Variants in ACYP2 observed in about 807,000 individuals in gnomAD.
ACYP2 encodes the protein acylphosphatase-2.
In ACYP2, 12 loss-of-function variants were observed where a neutral mutation model predicts 11.2. The ratio of observed to expected loss-of-function variants is 1.08; its 90% CI spans 0.69 to 1.74. ACYP2 has a LOEUF of 1.74. Ranked by LOEUF, ACYP2 falls within the 40% of genes most tolerant of loss-of-function variation. The pLI, the probability that ACYP2 is intolerant of heterozygous loss-of-function variation, is 0.00. For missense variants in ACYP2, 134 were observed against 101.9 expected (o/e 1.31, Z -1.35); for synonymous variants, 43 against 32.2 (o/e 1.33, Z -1.13).
intron 6 of ACYP2, among the ~76,000 whole-genome samples, chr2:54,262,754 CTG>C (rs1472510043): frequency 6.6e-6 from 1 of 151,730 alleles, no homozygotes; most frequent in Non-Finnish European, 1.5e-5. Context: ...GGATGGCAAA[CTG>C]TAGTTTTTGT....
intron 6 of ACYP2, among the ~76,000 whole-genome samples, chr2:54,297,102 G>GA (rs34803791): frequency 0.5 from 74,838 of 151,010 alleles, 18,986 homozygotes; most frequent in Admixed American, 0.59. Context: ...TTGGGTGGGT[G>GA]AACACTTTTC....
intron 6 of ACYP2, among the ~76,000 whole-genome samples, chr2:54,159,940 T>G (rs1682633738): frequency 6.6e-6 from 1 of 152,184 alleles, no homozygotes; most frequent in South Asian, 2.1e-4. Flanking sequence ...TCCCCACTCT[T>G]TCATTCCCCA....
chr2:54,052,702 TACATCTGTGCCA>T (rs1675932726), intron 3 of ACYP2, among the ~76,000 whole-genome samples: 1 of 152,218 alleles, frequency 6.6e-6, no homozygotes, highest in Non-Finnish European at 1.5e-5. Context: ...GGACTTCACT[TACATCTGTGCCA>T]CCTTCAAGAA....
At position 54,142,017 on chromosome 2, in the gene ACYP2, T is replaced by TTTG. The variant is rs10611682; in HGVS notation, c.404+3300_404+3302dup. ...TGTGTGTGTGTGTGTGTGTGTATATTTTGTTGTTGTTGTTGTTGTTGTTGT... is the reference window on the plus strand; with the variant it reads ...TGTGTGTGTGTGTGTGTGTGTATATTTTGTTGTTGTTGTTGTTGTTGTTGTTGT... On this transcript the variant is annotated intron_variant, in intron 6 of 6. Transcript: ENST00000607452. 3.4e-3 allele frequency: 1,370 copies of TTTG among 399,942 alleles called. 6 individuals carry two copies. Among genetic ancestry groups the TTTG allele is most frequent in the Middle Eastern group, 7.8e-3 (16 of 2,064 alleles). The allele number at this position is 399,942 out of a possible 1,614,324, so 24.8% of individuals were successfully genotyped here. A position where few individuals can be genotyped will look rare whatever the true frequency, so the allele number is the denominator to read the frequency against.
intron 6 of ACYP2, among the ~76,000 whole-genome samples, chr2:54,270,890 G>A (rs12621747): frequency 0.17 from 26,147 of 152,072 alleles, 2,344 homozygotes; most frequent in African/African-American, 0.25. Context: ...TTGTTTTTCT[G>A]TATAATATAT....
intron 6 of ACYP2, among the ~76,000 whole-genome samples, chr2:54,204,001 ATTG>A (rs1684963590): frequency 6.6e-6 from 1 of 151,682 alleles, no homozygotes; most frequent in African/African-American, 2.4e-5. Flanking sequence ...TGTTGTTGTT[ATTG>A]TTGTTTTTAA....
intron 6 of ACYP2, among the ~76,000 whole-genome samples, chr2:54,246,948 A>G (rs1414698029): frequency 6.6e-6 from 1 of 152,212 alleles, no homozygotes; most frequent in African/African-American, 2.4e-5. Context: ...ATGATAGGAT[A>G]AAAGCTCTAA....
rs530017183 is a variant in ACYP2 at position 54,021,951 on chromosome 2, C to A, written c.63-29007C>A. Among the ~76,000 whole-genome samples, 219 of 152,208 alleles carry A rather than the reference C, an allele frequency of 1.4e-3. 1 individual carries two copies. Among genetic ancestry groups the A allele is most frequent in the African/African-American group, 5.2e-3 (216 of 41,504 alleles). On this transcript the variant is annotated intron_variant, in intron 2 of 6. Transcript: ENST00000607452. ...CGGGCAGCATAAATACTTTGGCCAA[C>A]CTTGAGCCAGTGAGCCAAGTAAAAA...
At chr2:53,994,995 C>G (rs944107018) in intron 2 of ACYP2, among the ~76,000 whole-genome samples, 1 of 152,118 alleles carries the variant, frequency 6.6e-6, no homozygotes, top group Admixed American at 6.6e-5. Context: ...TTTTCAACAC[C>G]GCTATGACAA....
intron 6 of ACYP2, among the ~76,000 whole-genome samples, chr2:54,189,895 C>A (rs1001635821): frequency 6.6e-6 from 1 of 152,090 alleles, no homozygotes; most frequent in Non-Finnish European, 1.5e-5. Context: ...TTATGGCCAG[C>A]CTAATGGGTG....
intron 6 of ACYP2, among the ~76,000 whole-genome samples, chr2:54,170,309 T>C (rs139214604): frequency 0.023 from 3,434 of 152,142 alleles, 72 homozygotes; most frequent in Non-Finnish European, 0.027. Flanking sequence ...TGTGTCACCA[T>C]GCCTGGCTCA....
chr2:54,240,143 G>T (rs913452292), intron 6 of ACYP2, among the ~76,000 whole-genome samples: 2 of 152,130 alleles, frequency 1.3e-5, no homozygotes, highest in Non-Finnish European at 2.9e-5. Flanking sequence ...TGGAATTAAC[G>T]TAATGAAGGT....
At chr2:54,173,241 A>G (rs1444697633) in intron 6 of ACYP2, among the ~76,000 whole-genome samples, 2 of 152,174 alleles carry the variant, frequency 1.3e-5, no homozygotes, top group African/African-American at 4.8e-5. Flanking sequence ...CGCCATTCTA[A>G]CTGGTGTGAG....
At chr2:54,191,499 G>C (rs144051125) in intron 6 of ACYP2, among the ~76,000 whole-genome samples, 295 of 152,282 alleles carry the variant, frequency 1.9e-3, no homozygotes, top group African/African-American at 6.8e-3. Context: ...TTTCAGCTCT[G>C]CTCTTCACTA....
intron 6 of ACYP2, chr2:54,166,854 A>G (rs1682997127): frequency 1.3e-5 from 2 of 152,298 alleles, no homozygotes; most frequent in Non-Finnish European, 2.9e-5. Flanking sequence ...TCACAAGGCT[A>G]ACAGATGCAG....
At chr2:54,091,489 T>TTTTA (rs58827967) in intron 4 of ACYP2, among the ~76,000 whole-genome samples, 27,581 of 143,550 alleles carry the variant, frequency 0.19, 2,874 homozygotes, top group East Asian at 0.31. Flanking sequence ...ACTCTCTTGA[T>TTTTA]TTTATTTATT....
intron 2 of ACYP2, among the ~76,000 whole-genome samples, chr2:54,032,068 T>G (rs970501555): frequency 1.3e-5 from 2 of 152,164 alleles, no homozygotes; most frequent in Admixed American, 6.5e-5. Context: ...TTCTCCCATT[T>G]TGTAGGTTGC....
chr2:54,212,488 T>C (rs1398665860), intron 6 of ACYP2, among the ~76,000 whole-genome samples: 1 of 152,224 alleles, frequency 6.6e-6, no homozygotes, highest in Non-Finnish European at 1.5e-5. Context: ...AAAACCCAGT[T>C]ATGATCATCT....
chr2:54,015,679 ACACACACAC>A (rs1558473111), intron 2 of ACYP2, among the ~76,000 whole-genome samples: 21 of 151,002 alleles, frequency 1.4e-4, no homozygotes, highest in African/African-American at 3.7e-4. Flanking sequence ...ACACACACAC[ACACACACAC>A]GGCAGAATCT....
Sources: gnomAD v4.1 joint callset for allele counts (sites outside exome capture counted in the v4.1 genomes callset) on GRCh38, gnomAD v4.1.1 for gene constraint, MANE v1.5 for transcripts, NCBI Gene and HGNC (gene_info 2026-07-23, HGNC 2026-07-21) for gene names.